Variants in SCLT1 observed in about 807,000 individuals in gnomAD.
The protein encoded by SCLT1 is sodium channel and clathrin linker 1, also known as sodium channel-associated protein 1.
In SCLT1, 78 loss-of-function variants were observed where a neutral mutation model predicts 112.8. The observed-to-expected ratio is 0.69, with a 90% CI of 0.58 to 0.83. The LOEUF is 0.83. SCLT1 is among the 40% of genes least tolerant of loss of function. The pLI is 0.00. For synonymous variants in SCLT1, 257 were observed against 254.7 expected (o/e 1.01, Z -0.09); for missense variants, 747 against 770.4 (o/e 0.97, Z 0.36).
intron 2 of SCLT1, among the ~76,000 whole-genome samples, chr4:129,057,292 T>G (rs561348960): frequency 6.6e-6 from 1 of 152,168 alleles, no homozygotes; most frequent in Non-Finnish European, 1.5e-5. Flanking sequence ...TATAATTTCC[T>G]TTTATTGTGC....
At position 129,048,486 on chromosome 4, in the gene SCLT1, G is replaced by T. The variant is rs1265981356; in HGVS notation, c.103-4435C>A. On this transcript the variant is annotated intron_variant, in intron 2 of 20. Transcript: ENST00000281142. ...CTTATACAAAAATTAACTCAAGATG[G>T]ATTAAAGACTTAAATGTTAGACCTA... Among the ~76,000 whole-genome samples the T allele has an allele frequency of 2.0e-5, 3 of 149,166 alleles. 1 individual carries two copies. The highest frequency in any genetic ancestry group is 7.3e-5 in the African/African-American group (3 of 41,342).
At chr4:129,077,767 T>G (rs887563587) in intron 2 of SCLT1, among the ~76,000 whole-genome samples, 3 of 152,154 alleles carry the variant, frequency 2.0e-5, no homozygotes, top group Non-Finnish European at 4.4e-5. Flanking sequence ...CTTCCTTTAC[T>G]GCAAAACATA....
chr4:128,906,081 C>T (rs1463699685), intron 18 of SCLT1, among the ~76,000 whole-genome samples: 2 of 152,194 alleles, frequency 1.3e-5, no homozygotes, highest in Non-Finnish European at 1.5e-5. Flanking sequence ...ATTAATTCCA[C>T]AGAATCAGTT....
At chr4:129,052,569 G>T (rs1579856859) in intron 2 of SCLT1, among the ~76,000 whole-genome samples, 1 of 151,896 alleles carries the variant, frequency 6.6e-6, no homozygotes, top group Admixed American at 6.6e-5. Flanking sequence ...GGGATTGGTG[G>T]TGATATCCCC....
At chr4:128,882,104 A>T (rs944277807), downstream of SCLT1, among the ~76,000 whole-genome samples, 8 of 152,220 alleles carry the variant, frequency 5.3e-5, no homozygotes, top group African/African-American at 1.9e-4. Context: ...TATAATACTT[A>T]TATTCCATTT....
At chr4:128,985,361 G>C (rs1459810977) in intron 9 of SCLT1, among the ~76,000 whole-genome samples, 1 of 152,052 alleles carries the variant, frequency 6.6e-6, no homozygotes, top group Non-Finnish European at 1.5e-5. Flanking sequence ...TTGTTTAAAA[G>C]ATTTAAACTG....
chr4:129,004,255 T>G (rs1743794505), intron 5 of SCLT1, among the ~76,000 whole-genome samples: 1 of 152,030 alleles, frequency 6.6e-6, no homozygotes, highest in South Asian at 2.1e-4. Context: ...TAAATGAAAA[T>G]TATATATTAA....
At chr4:129,071,803 T>C (rs1046306560) in intron 2 of SCLT1, among the ~76,000 whole-genome samples, 2 of 152,168 alleles carry the variant, frequency 1.3e-5, no homozygotes, top group African/African-American at 2.4e-5. Context: ...CATTCAGTGT[T>C]AGTATTGAAA....
intron 20 of SCLT1, among the ~76,000 whole-genome samples, chr4:128,885,815 T>C (rs1195418059): frequency 6.6e-6 from 1 of 152,232 alleles, no homozygotes; most frequent in East Asian, 1.9e-4. Flanking sequence ...AACTTCATGA[T>C]CTGATAGGTA....
rs1477886558 is a variant in SCLT1 at position 129,039,924 on chromosome 4, ACACACAC to A, written c.235-835_235-829del. 13 of 466,656 alleles carry A rather than the reference ACACACAC, an allele frequency of 2.8e-5. No individual in the cohort carries two copies. In the Admixed American group the frequency reaches 3.9e-4, roughly 14 times the overall value. 28.9% of individuals were successfully genotyped at this position (466,656 alleles called of 1,614,324 possible). On this transcript the variant is annotated intron_variant, in intron 4 of 20. Coordinates refer to ENST00000281142, the MANE Select transcript of SCLT1 (RefSeq NM_144643.4). ...CGCACACACACACACACACACACAC[ACACACAC>A]AAAACCCTGAATTTACATGTAAAAG...
At chr4:128,927,332 A>C (rs534884546) in intron 18 of SCLT1, among the ~76,000 whole-genome samples, 1 of 152,262 alleles carries the variant, frequency 6.6e-6, no homozygotes, top group Admixed American at 6.5e-5. Context: ...GCATTTTGGG[A>C]GGCCAAGGCA....
chr4:129,093,023 C>T (rs1342925939), intron 1 of SCLT1, 47 bp downstream of exon 1: 1 of 1,333,572 alleles, frequency 7.5e-7, no homozygotes. Context: ...TCAACGACGA[C>T]GATATTAAAC....
intron 1 of SCLT1, among the ~76,000 whole-genome samples, chr4:129,086,073 T>C (rs1010833959): frequency 2.6e-5 from 4 of 152,116 alleles, no homozygotes; most frequent in African/African-American, 7.2e-5. Context: ...TCTTTTTTTT[T>C]CCCTGACAGA....
intron 18 of SCLT1, among the ~76,000 whole-genome samples, chr4:128,919,384 G>T (rs1209477519): frequency 6.6e-6 from 1 of 152,102 alleles, no homozygotes; most frequent in East Asian, 1.9e-4. Context: ...TGAGAACAAA[G>T]ATACAACATA....
intron 2 of SCLT1, among the ~76,000 whole-genome samples, chr4:129,056,539 A>G (rs1262029867): frequency 3.3e-5 from 5 of 152,190 alleles, no homozygotes; most frequent in African/African-American, 1.2e-4. Context: ...TACTTATAGA[A>G]ATCTTTCACC....
rs540136857 is a variant in SCLT1 at position 128,982,965 on chromosome 4, C to T, written c.686+9202G>A. ...GTGCAATGGCACGATCTCGGCTCACCGCAACCTCCACCTCCCAGGTTCAAG... is the reference window on the plus strand; with the variant it reads ...GTGCAATGGCACGATCTCGGCTCACTGCAACCTCCACCTCCCAGGTTCAAG... On this transcript the variant is annotated intron_variant, in intron 9 of 20. Coordinates refer to ENST00000281142, the MANE Select transcript of SCLT1 (RefSeq NM_144643.4). Among the ~76,000 whole-genome samples, 21 of 152,136 alleles carry T rather than the reference C, an allele frequency of 1.4e-4. No homozygotes were observed. In the South Asian group the frequency reaches 3.9e-3, roughly 29 times the overall value.
chr4:128,986,595 AC>A (rs1742116344), intron 9 of SCLT1, among the ~76,000 whole-genome samples: 2 of 152,122 alleles, frequency 1.3e-5, no homozygotes, highest in African/African-American at 2.4e-5. Context: ...AGTATAGAGG[AC>A]TGTGTCTTGC....
At chr4:128,983,348 T>C (rs952580175) in intron 9 of SCLT1, among the ~76,000 whole-genome samples, 3 of 152,186 alleles carry the variant, frequency 2.0e-5, no homozygotes, top group Non-Finnish European at 2.9e-5. Context: ...CTCAGTTGGA[T>C]ATATATTATA....
chr4:128,939,628 T>C (rs1377093459), intron 17 of SCLT1, among the ~76,000 whole-genome samples: 1 of 152,100 alleles, frequency 6.6e-6, no homozygotes, highest in Admixed American at 6.5e-5. Context: ...TAATTTTAGA[T>C]GGTAATGAGG....
Sources: gnomAD v4.1 joint callset for allele counts (sites outside exome capture counted in the v4.1 genomes callset) on GRCh38, gnomAD v4.1.1 for gene constraint, MANE v1.5 for transcripts, NCBI Gene and HGNC (gene_info 2026-07-23, HGNC 2026-07-21) for gene names.